ROBO2: variants seen among roughly 807,000 people sequenced by gnomAD.
The protein encoded by ROBO2 is roundabout guidance receptor 2, also known as roundabout homolog 2.
Under a neutral mutation model 160.8 loss-of-function variants are expected in ROBO2, and 53 were observed. That is an observed-to-expected ratio of 0.33 (90% CI 0.26 to 0.41). ROBO2 has a LOEUF of 0.41. Among genes scored for constraint, ROBO2 ranks in the 10% least tolerant of loss-of-function variants. The probability of loss-of-function intolerance (pLI) is 1.00; values close to 1 mark genes in which losing one functional copy is unlikely to be tolerated. For missense variants in ROBO2, 1,577 were observed against 1,722.4 expected, an observed-to-expected ratio of 0.92 and a Z score of 1.49; for synonymous variants, 664 against 611.7, an observed-to-expected ratio of 1.09 and a Z score of -1.26.
chr3:76,267,100 C>T (rs577283770), intron 2 of ROBO2, among the ~76,000 whole-genome samples: 10 of 152,012 alleles, frequency 6.6e-5, no homozygotes, highest in Non-Finnish European at 1.5e-4. Context: ...AGAAAGTATC[C>T]CTGCTGTTCA....
intron 2 of ROBO2, among the ~76,000 whole-genome samples, chr3:76,697,076 G>A (rs528108661): frequency 6.6e-6 from 1 of 152,262 alleles, no homozygotes; most frequent in Admixed American, 6.5e-5. Flanking sequence ...GACAGAATAA[G>A]TGCAATGTAA....
chr3:77,316,881 G>T, intron 2 of ROBO2: 2 of 1,169,404 alleles, frequency 1.7e-6, no homozygotes, highest in Non-Finnish European at 2.6e-6. Flanking sequence ...AACCTATCAG[G>T]CTGGAGTTGT....
At chr3:77,079,566 C>T (rs1303559750) in intron 1 of ROBO2, among the ~76,000 whole-genome samples, 6 of 152,232 alleles carry the variant, frequency 3.9e-5, no homozygotes, top group Middle Eastern at 3.4e-3. Flanking sequence ...GAAGTATGGC[C>T]GTAAGTTAAT....
intron 2 of ROBO2, among the ~76,000 whole-genome samples, chr3:77,119,138 G>A (rs534993726): frequency 1.3e-5 from 2 of 152,264 alleles, no homozygotes; most frequent in South Asian, 4.1e-4. Context: ...TGTGAAGAAG[G>A]TGCTTGCTTC....
chr3:77,334,813 A>T (rs1200461227), intron 2 of ROBO2, among the ~76,000 whole-genome samples: 2 of 152,080 alleles, frequency 1.3e-5, no homozygotes, highest in African/African-American at 4.8e-5. Flanking sequence ...TATAATTGAG[A>T]TTTACTTGTG....
intron 2 of ROBO2, among the ~76,000 whole-genome samples, chr3:76,219,319 A>G (rs1436827906): frequency 1.3e-5 from 2 of 152,230 alleles, no homozygotes; most frequent in African/African-American, 4.8e-5. Context: ...GCCAAAATTG[A>G]CAAATGGGAT....
intron 2 of ROBO2, among the ~76,000 whole-genome samples, chr3:77,174,300 C>T (rs1368913736): frequency 2.6e-5 from 4 of 151,114 alleles, no homozygotes; most frequent in Admixed American, 2.6e-4. Flanking sequence ...GCACAGAGTA[C>T]GATTAAAATG....
chr3:77,279,982 A>G (rs2060138792), intron 2 of ROBO2, among the ~76,000 whole-genome samples: 1 of 152,090 alleles, frequency 6.6e-6, no homozygotes, highest in Admixed American at 6.6e-5. Flanking sequence ...TGTAAAGTAT[A>G]TTTTCTTAAC....
intron 2 of ROBO2, among the ~76,000 whole-genome samples, chr3:77,420,243 A>G (rs755133491): frequency 2.1e-5 from 3 of 143,542 alleles, no homozygotes; most frequent in African/African-American, 8.3e-5. Context: ...TAAGGTAACT[A>G]TTTTACAGAT....
intron 2 of ROBO2, among the ~76,000 whole-genome samples, chr3:76,641,883 A>G (rs1400656834): frequency 6.6e-6 from 1 of 152,080 alleles, no homozygotes; most frequent in East Asian, 1.9e-4. Flanking sequence ...GACTGTAGGC[A>G]TGTACCACCA....
At chr3:76,675,677 G>A (rs532621294) in intron 2 of ROBO2, among the ~76,000 whole-genome samples, 1 of 152,186 alleles carries the variant, frequency 6.6e-6, no homozygotes, top group East Asian at 1.9e-4. Context: ...GGTTTATTTA[G>A]ACCATATTCA....
intron 2 of ROBO2, among the ~76,000 whole-genome samples, chr3:77,315,983 G>T (rs1383303573): frequency 2.6e-5 from 4 of 152,024 alleles, no homozygotes; most frequent in African/African-American, 4.8e-5. Flanking sequence ...CAAAATGGAA[G>T]ACTTTAAAAT....
intron 2 of ROBO2, among the ~76,000 whole-genome samples, chr3:76,341,068 A>G (rs1412621978): frequency 6.6e-6 from 1 of 152,156 alleles, no homozygotes; most frequent in Non-Finnish European, 1.5e-5. Flanking sequence ...GGTCAGAATC[A>G]GTGTAATATT....
intron 2 of ROBO2, among the ~76,000 whole-genome samples, chr3:76,657,381 C>T (rs572932390): frequency 9.3e-5 from 14 of 151,292 alleles, no homozygotes; most frequent in Non-Finnish European, 2.1e-4. Flanking sequence ...GCCGAGATCG[C>T]GCCCCTGCAC....
intron 2 of ROBO2, among the ~76,000 whole-genome samples, chr3:76,545,640 ATCTT>A (rs2083054080): frequency 1.3e-5 from 2 of 152,056 alleles, no homozygotes; most frequent in South Asian, 2.1e-4. Context: ...CCTACAAAAT[ATCTT>A]TCTATCATCA....
At chr3:76,000,141 A>C (rs2065840627) in intron 2 of ROBO2, among the ~76,000 whole-genome samples, 2 of 152,154 alleles carry the variant, frequency 1.3e-5, no homozygotes, top group Admixed American at 1.3e-4. Context: ...TGGGGCAGAG[A>C]GACCTTAACA....
rs576455809 is a variant in ROBO2, at chr3:77,021,239, A to G, written c.110-76775A>G. 9.9e-5 allele frequency among the ~76,000 whole-genome samples: 15 copies of G among 152,236 alleles called. No homozygotes were observed. In the South Asian group the frequency reaches 3.1e-3, roughly 32 times the overall value. Reference sequence around the variant, plus strand: ...AAGAAAGAAAAGAATACCCCAAAGTATGGTGCTGTGGCATGCTGAGTACTT... The same window carrying G: ...AAGAAAGAAAAGAATACCCCAAAGTGTGGTGCTGTGGCATGCTGAGTACTT... On this transcript the variant is annotated intron_variant, in intron 2 of 26. Coordinates refer to the ROBO2 transcript ENST00000487694.
intron 2 of ROBO2, among the ~76,000 whole-genome samples, chr3:76,956,914 A>G (rs2079314093): frequency 1.3e-5 from 2 of 152,124 alleles, no homozygotes; most frequent in Admixed American, 1.3e-4. Context: ...GTGCTTGTCT[A>G]AACTCATCTA....
chr3:76,022,875 A>G (rs1460035257), intron 2 of ROBO2, among the ~76,000 whole-genome samples: 3 of 151,792 alleles, frequency 2.0e-5, no homozygotes, highest in Non-Finnish European at 3.0e-5. Context: ...TTTTCTAGCC[A>G]TGAATGTCCT....
Sources: gnomAD v4.1 joint callset for allele counts (sites outside exome capture counted in the v4.1 genomes callset) on GRCh38, gnomAD v4.1.1 for gene constraint, MANE v1.5 for transcripts, NCBI Gene and HGNC (gene_info 2026-07-23, HGNC 2026-07-21) for gene names.